The following BMS1 variants were observed in gnomAD, a reference collection of about 807,000 sequenced individuals.
BMS1 encodes BMS1 ribosome biogenesis factor.
BMS1 carries 53 observed loss-of-function variants against 138.7 expected under a neutral mutation model. The observed-to-expected ratio is 0.38, with a 90% CI of 0.31 to 0.48. The LOEUF is 0.48. BMS1 is among the 20% of genes least tolerant of loss of function. The probability of loss-of-function intolerance (pLI) is 0.97; values close to 1 mark genes in which losing one functional copy is unlikely to be tolerated. For missense variants in BMS1, 1,360 were observed against 1,565.5 expected, an observed-to-expected ratio of 0.87 and a Z score of 2.22; for synonymous variants, 504 against 539.9, an observed-to-expected ratio of 0.93 and a Z score of 0.92.
At position 42,820,391 on chromosome 10, in the gene BMS1, G is replaced by A. The variant is rs770482781; in HGVS notation, c.2736G>A (p.Leu912=). ...ATTACCCCATTATCCTGGGTGGCTT[G>A]GGCAACAGTGAGGGAAATGTTGGCT... ...DPHYPIILGG[L]GNSEGNVGYV... is the part of the protein sequence containing the mutation. The change falls in exon 16 of 23, where the codon TTG becomes TTA. Residue 912 remains leucine (L), a synonymous_variant. Coordinates refer to ENST00000374518, the MANE Select transcript of BMS1 (RefSeq NM_014753.4). 1.9e-5 allele frequency: 30 copies of A among 1,613,666 alleles called. No homozygotes were observed. Among genetic ancestry groups the A allele is most frequent in the Non-Finnish European group, 2.4e-5 (28 of 1,179,860 alleles).
At chr10:42,802,292 G>A (rs1841895828) in intron 13 of BMS1, 74 bp downstream of exon 13, 1 of 1,324,752 alleles carries the variant, frequency 7.5e-7, no homozygotes, top group African/African-American at 1.5e-5. Flanking sequence ...TTAGACAATA[G>A]TCAAATTGAA....
At chr10:42,829,823 AAAAACAAAAC>A (rs879623030) in intron 21 of BMS1, among the ~76,000 whole-genome samples, 1 of 130,872 alleles carries the variant, frequency 7.6e-6, no homozygotes, top group Non-Finnish European at 1.6e-5. Flanking sequence ...TCCATCTCAA[AAAAACAAAAC>A]AAAACAAAAA....
At chr10:42,792,360 C>T (rs1841529465) in intron 6 of BMS1, 133 bp from the exon 7 acceptor site, 1 of 1,263,596 alleles carries the variant, frequency 7.9e-7, no homozygotes, top group African/African-American at 1.5e-5. Flanking sequence ...AATGGTGCCT[C>T]CTTATTTCTG....
rs1588758158 is a variant in BMS1, at chr10:42,824,294, T to A, written c.3456+510T>A. On this transcript the variant is annotated intron_variant, in intron 21 of 22. Coordinates refer to ENST00000374518, the MANE Select transcript of BMS1 (RefSeq NM_014753.4). ...TTTTAATATACATCTCCCCATTTCC[T>A]ATTGGTCATTTCCTATTTGGCCCAT... Among the ~76,000 whole-genome samples the A allele has an allele frequency of 2.0e-5, 3 of 152,352 alleles. 1 individual carries two copies. The East Asian group carries it at 5.8e-4, about 29-fold the overall frequency.
intron 5 of BMS1, among the ~76,000 whole-genome samples, chr10:42,790,884 C>T (rs1841485339): frequency 1.3e-5 from 2 of 152,124 alleles, no homozygotes; most frequent in African/African-American, 2.4e-5. Flanking sequence ...CATTACTAAA[C>T]GTCTCTCTAG....
At position 42,830,239 on chromosome 10, in the gene BMS1, C is replaced by T. The variant is rs747492008; in HGVS notation, c.3457-22C>T. On this transcript the variant is annotated intron_variant, in intron 21 of 22. Coordinates refer to ENST00000374518, the MANE Select transcript of BMS1 (RefSeq NM_014753.4). ...CATTGATCATAATTTGAATATGTCA[C>T]AGTCTTTGTTTTTCTTTTCAGCCAA... The T allele has an allele frequency of 1.9e-5, 30 of 1,607,504 alleles. No individual in the cohort carries two copies. In the East Asian group the frequency reaches 6.0e-4, roughly 32 times the overall value.
intron 19 of BMS1, 145 bp from the exon 20 acceptor site, chr10:42,822,973 T>C: frequency 1.2e-6 from 1 of 824,888 alleles, no homozygotes; most frequent in Non-Finnish European, 1.7e-6. Context: ...AATTCCACTT[T>C]CAGGGGCGAA....
rs367555449 is a variant in BMS1 at position 42,784,550 on chromosome 10, G to C, written c.156G>C (p.Arg52=). ...PKAFAVQSAV[R]MARSFHRTQD... is the part of the protein sequence containing the mutation. ...CTTTTGCAGTTCAGTCTGCTGTGCG[G>C]ATGGCTCGATCCTTTCACAGGTATG... Residue 52 remains arginine, a synonymous_variant, in exon 2 of 23, where the codon CGG becomes CGC. Coordinates refer to ENST00000374518, the MANE Select transcript of BMS1 (RefSeq NM_014753.4). 6.2e-7 allele frequency: 1 copy of C among 1,613,018 alleles called. No individual in the cohort carries two copies. Among genetic ancestry groups the C allele is most frequent in the East Asian group, 2.2e-5 (1 of 44,890 alleles).
chr10:42,815,780 T>C (rs952863823), intron 13 of BMS1, among the ~76,000 whole-genome samples: 1 of 152,138 alleles, frequency 6.6e-6, no homozygotes, highest in African/African-American at 2.4e-5. Flanking sequence ...AATGAATGAG[T>C]GAATAAGCTC....
rs1361349191 is a variant in BMS1, at chr10:42,790,422, C to T, written c.547C>T (p.Leu183Phe). Residue 183 changes from leucine (L) to phenylalanine (F), a missense_variant, in exon 5 of 23, where the codon CTC becomes TTC. By Grantham distance (22) the Leu-to-Phe change is conservative (BLOSUM62 0). This residue lies in a region of BMS1 where 238 missense variants were observed against 311.1 expected (regional missense o/e 0.77). Transcript: ENST00000374518. ...VHGFPKIMGV[L>F]THLDSFKHNK... ...TGGCTTTCCTAAAATTATGGGAGTT[C>T]TCACCCACCTCGACTCCTTCAAGCA... 6.2e-7 allele frequency: 1 copy of T among 1,613,830 alleles called. No individual in the cohort carries two copies. The highest frequency in any genetic ancestry group is 1.1e-5 in the South Asian group (1 of 91,074).
At position 42,834,904 on chromosome 10, in the gene BMS1, T is replaced by C. The variant is rs1452095115; in HGVS notation, c.*3808T>C. The C allele has an allele frequency of 6.6e-6, 1 of 152,188 alleles. No homozygotes were observed. Among genetic ancestry groups the C allele is most frequent in the Non-Finnish European group, 1.5e-5 (1 of 68,046 alleles). 9.4% of individuals were successfully genotyped at this position (152,188 alleles called of 1,614,324 possible). ...TTCCAATTTTTGTTTTGTGATAAAATATGCATAATAAAACTTATTTTATCA... is the reference window on the plus strand; with the variant it reads ...TTCCAATTTTTGTTTTGTGATAAAACATGCATAATAAAACTTATTTTATCA... On this transcript the variant is annotated 3_prime_UTR_variant, in exon 23 of 23. Transcript: ENST00000374518.
intron 13 of BMS1, among the ~76,000 whole-genome samples, chr10:42,812,121 T>G (rs1842202630): frequency 6.6e-6 from 1 of 152,218 alleles, no homozygotes; most frequent in Non-Finnish European, 1.5e-5. Flanking sequence ...TGTCAGATTT[T>G]GCTGGCTCAC....
At chr10:42,802,384 T>C (rs532162483) in intron 13 of BMS1, among the ~76,000 whole-genome samples, 166 bp downstream of exon 13, 76 of 152,386 alleles carry the variant, frequency 5.0e-4, no homozygotes, top group Non-Finnish European at 8.5e-4. Context: ...CCTTTTATGA[T>C]GATCTTATTT....
At chr10:42,829,828 CA>C (rs1842751949) in intron 21 of BMS1, among the ~76,000 whole-genome samples, 1 of 122,986 alleles carries the variant, frequency 8.1e-6, no homozygotes, top group Non-Finnish European at 1.6e-5. Flanking sequence ...CTCAAAAAAA[CA>C]AAACAAAACA....
intron 4 of BMS1, 30 bp downstream of exon 4, chr10:42,787,277 G>GTAAGTCTCCATC: frequency 1.2e-6 from 1 of 844,046 alleles, no homozygotes; most frequent in Non-Finnish European, 2.0e-6. Flanking sequence ...CTGGGGTGCT[G>GTAAGTCTCCATC]ATGGAGACTT....
intron 13 of BMS1, among the ~76,000 whole-genome samples, chr10:42,803,455 A>G (rs1048068931): frequency 6.6e-6 from 1 of 152,014 alleles, no homozygotes; most frequent in African/African-American, 2.4e-5. Flanking sequence ...ATGTGAATGT[A>G]TTCTTTATAT....
rs148810220 is a variant in BMS1 at position 42,790,391 on chromosome 10, A to G, written c.516A>G (p.Gln172=). 4.3e-5 allele frequency: 70 copies of G among 1,613,946 alleles called. No homozygotes were observed. In the African/African-American group the frequency reaches 7.6e-4, roughly 18 times the overall value. ...METFEFLNIC[Q]VHGFPKIMGV... ...CGTTTGAGTTTCTAAACATCTGTCAAGTACATGGCTTTCCTAAAATTATGG... is the reference window on the plus strand; with the variant it reads ...CGTTTGAGTTTCTAAACATCTGTCAGGTACATGGCTTTCCTAAAATTATGG... The change falls in exon 5 of 23, where the codon CAA becomes CAG. Residue 172 remains glutamine (Q), a synonymous_variant. Coordinates refer to ENST00000374518, the MANE Select transcript of BMS1 (RefSeq NM_014753.4).
intron 13 of BMS1, among the ~76,000 whole-genome samples, chr10:42,804,308 C>T (rs1272090487): frequency 6.6e-6 from 1 of 152,120 alleles, no homozygotes; most frequent in Admixed American, 6.6e-5. Context: ...TAAGAAATTA[C>T]CCAACTGTTT....
rs1269522010 is a variant in BMS1, at chr10:42,830,418, G to A, written c.3614G>A (p.Arg1205Lys). 13 of 1,606,926 alleles carry A rather than the reference G, an allele frequency of 8.1e-6. No homozygotes were observed. Among genetic ancestry groups the A allele is most frequent in the Non-Finnish European group, 1.1e-5 (13 of 1,178,450 alleles). The change falls in exon 22 of 23, where the codon AGA becomes AAA. Residue 1205 changes from arginine (R) to lysine (K), a missense_variant. Coordinates refer to ENST00000374518, the MANE Select transcript of BMS1 (RefSeq NM_014753.4). ...RPAVIREPHE[R>K]KILALLDALS... Reference sequence around the variant, plus strand: ...GCCGTCATACGCGAGCCTCATGAAAGAAAGGTACTGTTGCCCATGCTGTAC... The same window carrying A: ...GCCGTCATACGCGAGCCTCATGAAAAAAAGGTACTGTTGCCCATGCTGTAC...
Sources: allele counts gnomAD v4.1 joint callset (sites outside exome capture counted in the v4.1 genomes callset), GRCh38; gene constraint gnomAD v4.1.1; regional missense constraint gnomAD v4.1.1; transcripts MANE v1.5; gene names NCBI Gene and HGNC (gene_info 2026-07-23, HGNC 2026-07-21).